Variants in CTTNBP2 observed in about 807,000 individuals in gnomAD.
CTTNBP2 encodes cortactin binding protein 2, also known as cortactin-binding protein 2.
CTTNBP2 carries 108 observed loss-of-function variants against 156.9 expected under a neutral mutation model. The ratio of observed to expected loss-of-function variants is 0.69; its 90% CI spans 0.59 to 0.81. The LOEUF is 0.81. CTTNBP2 is among the 30% of genes least tolerant of loss of function. The probability of loss-of-function intolerance (pLI) is 0.00; values close to 1 mark genes in which losing one functional copy is unlikely to be tolerated. For missense variants in CTTNBP2, 1,924 were observed against 2,035.4 expected (o/e 0.95, Z 1.05); for synonymous variants, 767 against 751.8 (o/e 1.02, Z -0.33).
chr7:117,780,328 C>A (rs1798347119), intron 7 of CTTNBP2, 113 bp downstream of exon 7: 5 of 704,836 alleles, frequency 7.1e-6, no homozygotes, highest in Non-Finnish European at 1.1e-5. Flanking sequence ...ATCCTACAAG[C>A]AAAACAAAAT....
Position 117,710,921 on chromosome 7 carries a change from AAT to A in CTTNBP2, c.*614_*615del, listed in dbSNP as rs1794021041. On this transcript the variant is annotated 3_prime_UTR_variant, in exon 23 of 23. Coordinates refer to ENST00000160373, the MANE Select transcript of CTTNBP2 (RefSeq NM_033427.3). ...GTCATAATGCAAACTTATAAGCATA[AAT>A]ATATACATGATGCTACCAAATGGCA... 6.6e-6 allele frequency: 1 copy of A among 152,628 alleles called. No homozygotes were observed. Among genetic ancestry groups the A allele is most frequent in the Non-Finnish European group, 1.5e-5 (1 of 68,008 alleles). 9.5% of individuals were successfully genotyped at this position (152,628 alleles called of 1,614,324 possible).
chr7:117,726,180 A>G (rs1448656995), intron 17 of CTTNBP2, among the ~76,000 whole-genome samples: 1 of 152,230 alleles, frequency 6.6e-6, no homozygotes, highest in East Asian at 1.9e-4. Flanking sequence ...AATTCCATCA[A>G]AAAAAGATTA....
chr7:117,831,282 A>G (rs936827189), intron 2 of CTTNBP2, among the ~76,000 whole-genome samples: 2 of 152,112 alleles, frequency 1.3e-5, no homozygotes, highest in Admixed American at 6.5e-5. Context: ...TCATGACTAC[A>G]CAAAGATCTC....
intron 10 of CTTNBP2, among the ~76,000 whole-genome samples, chr7:117,759,855 C>CCTA (rs1279666472): frequency 6.6e-6 from 1 of 152,190 alleles, no homozygotes; most frequent in Non-Finnish European, 1.5e-5. Flanking sequence ...ATCAGGGACA[C>CCTA]CTAATATTTA....
At chr7:117,777,115 G>A (rs1798146345) in intron 8 of CTTNBP2, among the ~76,000 whole-genome samples, 1 of 152,084 alleles carries the variant, frequency 6.6e-6, no homozygotes, top group Non-Finnish European at 1.5e-5. Flanking sequence ...GGCAGCTCAG[G>A]GTACAGGGCA....
rs748665459 is a variant in CTTNBP2, at chr7:117,777,520, T to C, written c.2769A>G (p.Lys923=). ...CTGCTACCAGACACACCTTAAAACC[T>C]TTGGAAGCAGCAATGTGGGCAGCAG... ...GWTAAHIAAS[K]GFKNCLEILC... is the part of the protein sequence containing the mutation. Residue 923 remains lysine, a synonymous_variant, in exon 8 of 23, where the codon AAA becomes AAG. Transcript: ENST00000160373. 1 of 1,612,776 alleles carries C rather than the reference T, an allele frequency of 6.2e-7. No individual in the cohort carries two copies. Among genetic ancestry groups the C allele is most frequent in the East Asian group, 2.2e-5 (1 of 44,880 alleles).
chr7:117,717,849 T>C (rs1014808918), intron 22 of CTTNBP2, among the ~76,000 whole-genome samples, 169 bp downstream of exon 22: 2 of 152,172 alleles, frequency 1.3e-5, no homozygotes, highest in African/African-American at 4.8e-5. Flanking sequence ...CAAAATATTC[T>C]ATAAGTACTC....
chr7:117,771,680 A>G (rs899302765), intron 8 of CTTNBP2, among the ~76,000 whole-genome samples: 6 of 152,226 alleles, frequency 3.9e-5, no homozygotes, highest in Admixed American at 3.9e-4. Flanking sequence ...CCATTCTCTC[A>G]CTGACTCAGC....
chr7:117,799,890 C>G (rs1799521050), intron 3 of CTTNBP2, among the ~76,000 whole-genome samples: 2 of 151,974 alleles, frequency 1.3e-5, no homozygotes, highest in African/African-American at 4.8e-5. Flanking sequence ...AATTCTTAAA[C>G]AAATAATGCT....
chr7:117,735,563 A>G (rs893172901), intron 14 of CTTNBP2, 142 bp from the exon 15 acceptor site: 6 of 682,636 alleles, frequency 8.8e-6, no homozygotes, highest in Non-Finnish European at 9.9e-6. Context: ...TGGGGAGTGA[A>G]CAACTCTGGA....
chr7:117,754,904 G>A (rs752111078), intron 12 of CTTNBP2, among the ~76,000 whole-genome samples: 4 of 152,116 alleles, frequency 2.6e-5, no homozygotes, highest in African/African-American at 4.8e-5. Flanking sequence ...GCTAGTCAAC[G>A]CTAATTTGCA....
chr7:117,769,392 G>T (rs940494718), intron 8 of CTTNBP2, among the ~76,000 whole-genome samples: 2 of 152,196 alleles, frequency 1.3e-5, no homozygotes, highest in Non-Finnish European at 2.9e-5. Flanking sequence ...TGGGTTTCCT[G>T]AGTAAAGAAA....
At chr7:117,786,623 A>G (rs545511893) in intron 4 of CTTNBP2, among the ~76,000 whole-genome samples, 31 of 152,290 alleles carry the variant, frequency 2.0e-4, no homozygotes, top group African/African-American at 6.5e-4. Context: ...CCTCTCTTTC[A>G]TTCTCTCTTT....
intron 7 of CTTNBP2, among the ~76,000 whole-genome samples, chr7:117,780,062 A>T (rs938275648): frequency 6.6e-6 from 1 of 152,176 alleles, no homozygotes; most frequent in Non-Finnish European, 1.5e-5. Flanking sequence ...GCCCAGCCAC[A>T]TCTCTGCTTA....
In CTTNBP2 at chr7:117,847,819, C is replaced by CTTTTTTTT. The variant is rs201419286; in HGVS notation, c.189+13382_189+13389dup. Among the ~76,000 whole-genome samples the CTTTTTTTT allele has an allele frequency of 2.3e-3, 214 of 91,328 alleles. 32 individuals carry two copies. The highest frequency in any genetic ancestry group is 8.7e-3 in the African/African-American group (182 of 20,988). The allele number at this position is 91,328 out of a possible 152,430, so 59.9% of individuals were successfully genotyped here. A position where few individuals can be genotyped will look rare whatever the true frequency, so the allele number is the denominator to read the frequency against. On this transcript the variant is annotated intron_variant, in intron 2 of 22. Transcript: ENST00000160373. Reference sequence around the variant, plus strand: ...TTTTTATAGATCTTCTTTGCCTAACCTTTTTTTTTTTTTTTTTTTTTTTTT... The same window carrying CTTTTTTTT: ...TTTTTATAGATCTTCTTTGCCTAACCTTTTTTTTTTTTTTTTTTTTTTTTTTTTTTTTT...
At chr7:117,818,130 A>G (rs898449906) in intron 2 of CTTNBP2, among the ~76,000 whole-genome samples, 3 of 152,218 alleles carry the variant, frequency 2.0e-5, no homozygotes, top group Non-Finnish European at 2.9e-5. Context: ...CTGTATTTGT[A>G]CTTCCATTAT....
intron 14 of CTTNBP2, among the ~76,000 whole-genome samples, chr7:117,742,368 T>C (rs140959640): frequency 2.0e-5 from 3 of 152,326 alleles, no homozygotes; most frequent in African/African-American, 4.8e-5. Context: ...AACATCCTAT[T>C]CTGCTGGAGC....
intron 3 of CTTNBP2, among the ~76,000 whole-genome samples, chr7:117,808,018 C>A (rs74340912): frequency 6.6e-6 from 1 of 152,176 alleles, no homozygotes; most frequent in Non-Finnish European, 1.5e-5. Flanking sequence ...ATTTATATTG[C>A]GCTGCCACAT....
intron 3 of CTTNBP2, among the ~76,000 whole-genome samples, chr7:117,798,928 AG>A (rs1163036468): frequency 6.6e-6 from 1 of 151,952 alleles, no homozygotes; most frequent in African/African-American, 2.4e-5. Context: ...TGTGCCAATA[AG>A]TTCAATAAAT....
Sources: gnomAD v4.1 joint callset for allele counts (sites outside exome capture counted in the v4.1 genomes callset) on GRCh38, gnomAD v4.1.1 for gene constraint, MANE v1.5 for transcripts, NCBI Gene and HGNC (gene_info 2026-07-23, HGNC 2026-07-21) for gene names.